The following IKBKB variants were observed in gnomAD, a reference collection of about 807,000 sequenced individuals.
IKBKB encodes inhibitor of nuclear factor kappa-B kinase subunit beta.
IKBKB carries 42 observed loss-of-function variants against 113.6 expected under a neutral mutation model. The ratio of observed to expected loss-of-function variants is 0.37; its 90% confidence interval spans 0.29 to 0.48. The LOEUF is 0.48. Among genes scored for constraint, IKBKB ranks in the 20% least tolerant of loss-of-function variants. The pLI, the probability that IKBKB is intolerant of heterozygous loss-of-function variation, is 0.99. For missense variants in IKBKB, 673 were observed against 939.7 expected (o/e 0.72, Z 3.71); for synonymous variants, 296 against 361.3 (o/e 0.82, Z 2.05).
At chr8:42,314,089 A>G (rs531708636) in intron 8 of IKBKB, 64 of 524,734 alleles carry the variant, frequency 1.2e-4, no homozygotes, top group East Asian at 1.1e-3. Context: ...AGATACACCA[A>G]TACTTACCAT....
At chr8:42,287,091 G>C (rs912670778) in intron 2 of IKBKB, among the ~76,000 whole-genome samples, 4 of 152,236 alleles carry the variant, frequency 2.6e-5, no homozygotes, top group African/African-American at 9.6e-5. Flanking sequence ...AGAGGTGACA[G>C]TGGTGCAGTG....
chr8:42,320,876 C>T, intron 16 of IKBKB, 32 bp downstream of exon 16: 1 of 1,392,834 alleles, frequency 7.2e-7, no homozygotes, highest in Non-Finnish European at 9.9e-7. Context: ...CCTCTGTGCC[C>T]AGCACACACA....
intron 2 of IKBKB, among the ~76,000 whole-genome samples, chr8:42,280,632 G>C (rs1810176582): frequency 6.6e-6 from 1 of 152,162 alleles, no homozygotes; most frequent in South Asian, 2.1e-4. Context: ...GGCTGGGCAG[G>C]ATGTGGGTCA....
chr8:42,283,838 G>C (rs999691323), intron 2 of IKBKB, among the ~76,000 whole-genome samples: 9 of 152,214 alleles, frequency 5.9e-5, no homozygotes, highest in Admixed American at 2.0e-4. Context: ...TCTTGGTTTA[G>C]TCTCAGTCAT....
intron 5 of IKBKB, among the ~76,000 whole-genome samples, chr8:42,296,455 C>A (rs1813835926): frequency 6.6e-6 from 1 of 152,182 alleles, no homozygotes; most frequent in Admixed American, 6.5e-5. Flanking sequence ...CATGGTGAAA[C>A]CCCGTCTCTA....
chr8:42,330,820 A>G (rs1585847720), intron 21 of IKBKB, 94 bp from the exon 22 acceptor site: 1 of 1,597,626 alleles, frequency 6.3e-7, no homozygotes, highest in East Asian at 2.2e-5. Context: ...GTTTTAGTAT[A>G]TTTCTCAATT....
intron 3 of IKBKB, among the ~76,000 whole-genome samples, chr8:42,289,085 G>A (rs1336694010): frequency 2.6e-5 from 4 of 152,178 alleles, no homozygotes; most frequent in Non-Finnish European, 4.4e-5. Flanking sequence ...GCATGGTGGC[G>A]GGCGCTGTAG....
intron 20 of IKBKB, chr8:42,326,570 G>A (rs1358293282): frequency 6.4e-6 from 1 of 157,054 alleles, no homozygotes; most frequent in East Asian, 1.9e-4. Context: ...CCTGCCTCCT[G>A]CCTTTCTGCT....
At chr8:42,298,764 C>T (rs1210293729) in intron 5 of IKBKB, among the ~76,000 whole-genome samples, 2 of 152,102 alleles carry the variant, frequency 1.3e-5, no homozygotes, top group Admixed American at 6.6e-5. Flanking sequence ...TCCGAGTGCT[C>T]TCTAGGGCCC....
chr8:42,327,758 G>A (rs1323037525), intron 20 of IKBKB, among the ~76,000 whole-genome samples: 1 of 147,736 alleles, frequency 6.8e-6, no homozygotes, highest in Non-Finnish European at 1.5e-5. Context: ...TCAGCCTTCC[G>A]AGTAGCTGGG....
chr8:42,317,300 G>A (rs1818886999), intron 11 of IKBKB: 1 of 421,822 alleles, frequency 2.4e-6, no homozygotes, highest in Admixed American at 3.7e-5. Context: ...TTAGGCACCT[G>A]TGTTAACTAT....
At chr8:42,320,597 C>G in intron 15 of IKBKB, 138 bp from the exon 16 acceptor site, 1 of 683,108 alleles carries the variant, frequency 1.5e-6, no homozygotes, top group Middle Eastern at 2.9e-4. Flanking sequence ...TCAGACCCCA[C>G]AGTCCACATT....
rs75801269 is a variant in IKBKB at position 42,303,435 on chromosome 8, A to T, written c.389-1752A>T. Among the ~76,000 whole-genome samples the T allele has an allele frequency of 1.9e-3, 296 of 152,208 alleles. 3 individuals are homozygous for T. The Middle Eastern group carries it at 0.024, about 12-fold the overall frequency. ...GTAAGTATCCTTGGGCTACCAGTGA[A>T]GTGATACCATTTGTATCTCTTCTTC... On this transcript the variant is annotated intron_variant, in intron 5 of 21. Transcript: ENST00000520810.
chr8:42,329,063 G>C, intron 20 of IKBKB, 61 bp from the exon 21 acceptor site: 1 of 1,227,768 alleles, frequency 8.1e-7, no homozygotes, highest in African/African-American at 1.5e-5. Context: ...TTTTAAAATA[G>C]CAGTGTTAGC....
chr8:42,329,730 A>C (rs1212274044), intron 21 of IKBKB: 20 of 985,258 alleles, frequency 2.0e-5, no homozygotes, highest in Non-Finnish European at 2.0e-5. Context: ...GGGAGCAGGA[A>C]CCAGCCATGG....
intron 1 of IKBKB, 173 bp downstream of exon 1, chr8:42,271,642 GGGGTGGCTTCTTGGGGGT>G (rs902856558): frequency 2.0e-5 from 11 of 545,562 alleles, no homozygotes; most frequent in African/African-American, 1.0e-4. Flanking sequence ...AGCTCTCCCT[GGGGTGGCTTCTTGGGGGT>G]GGGTGGCTTT....
chr8:42,312,563 T>C (rs925304859), intron 8 of IKBKB, among the ~76,000 whole-genome samples: 1 of 152,242 alleles, frequency 6.6e-6, no homozygotes, highest in African/African-American at 2.4e-5. Context: ...TACAATTCTA[T>C]TATAAAGCCA....
chr8:42,298,320 C>A, intron 5 of IKBKB: 1 of 985,428 alleles, frequency 1.0e-6, no homozygotes, highest in Non-Finnish European at 1.2e-6. Flanking sequence ...TGTGGTGACA[C>A]CATCCTGTGC....
chr8:42,280,880 G>A (rs1810249325), intron 2 of IKBKB, among the ~76,000 whole-genome samples: 1 of 152,116 alleles, frequency 6.6e-6, no homozygotes, highest in Admixed American at 6.5e-5. Flanking sequence ...CAGCTTATCT[G>A]TGTGCTTGGA....
Sources: gnomAD v4.1 joint callset for allele counts (sites outside exome capture counted in the v4.1 genomes callset) on GRCh38, gnomAD v4.1.1 for gene constraint, MANE v1.5 for transcripts, NCBI Gene and HGNC (gene_info 2026-07-23, HGNC 2026-07-21) for gene names.